Variants in KLHL25 observed in about 807,000 individuals in gnomAD.
KLHL25 encodes the protein kelch like family member 25, also known as kelch-like protein 25.
Under a neutral mutation model 30.0 loss-of-function variants are expected in KLHL25, and 41 were observed. That is an observed-to-expected ratio of 1.37 (90% CI 1.07 to 1.78). KLHL25 has a LOEUF of 1.78. Ranked by LOEUF, KLHL25 falls within the 40% of genes most tolerant of loss-of-function variation. KLHL25 has a pLI of 0.00. For synonymous variants in KLHL25, 399 were observed against 355.3 expected (o/e 1.12, Z -1.38); for missense variants, 971 against 824.5 (o/e 1.18, Z -2.18).
intron 1 of KLHL25, among the ~76,000 whole-genome samples, chr15:85,790,016 A>G (rs768075846): frequency 1.3e-5 from 2 of 152,214 alleles, no homozygotes; most frequent in Non-Finnish European, 2.9e-5. Context: ...ACTAGATCCC[A>G]GAGAAAGTAA....
chr15:85,764,657 C>T (rs939803637), intron 2 of KLHL25, among the ~76,000 whole-genome samples: 1 of 152,186 alleles, frequency 6.6e-6, no homozygotes, highest in Non-Finnish European at 1.5e-5. Flanking sequence ...TGCTGAGGAA[C>T]AGCAGTCATG....
chr15:85,762,731 G>A (rs1716128178), intron 2 of KLHL25: 1 of 152,362 alleles, frequency 6.6e-6, no homozygotes, highest in South Asian at 2.1e-4. Flanking sequence ...ATGCCTGGAC[G>A]GACGGACTCC....
chr15:85,793,437 C>A (rs980126708), intron 1 of KLHL25, among the ~76,000 whole-genome samples: 1 of 152,264 alleles, frequency 6.6e-6, no homozygotes, highest in Admixed American at 6.5e-5. Flanking sequence ...GACCCAAGAG[C>A]CTCCGGTCTT....
chr15:85,768,820 T>C lies in KLHL25; in HGVS notation c.991A>G (p.Lys331Glu), dbSNP rs554023435. 6.2e-7 allele frequency: 1 copy of C among 1,613,196 alleles called. No individual in the cohort carries two copies. Among genetic ancestry groups the C allele is most frequent in the African/African-American group, 1.3e-5 (1 of 74,940 alleles). Reference protein sequence around the residue: ...IPKADLPSPRKEFSASAIGCK... With the variant: ...IPKADLPSPREEFSASAIGCK... The stretch of plus-strand genomic sequence containing the variant: ...CCGATCGCTGAGGCGCTGAACTCCT[T>C]CCGGGGGCTGGGCAGGTCGGCCTTG... The change falls in exon 2 of 3, where the codon AAG becomes GAG. Residue 331 changes from lysine to glutamate, a missense_variant. Physicochemically the swap from Lys to Glu is moderately conservative, Grantham distance 56 (BLOSUM62 1). Transcript: ENST00000337975.
intron 1 of KLHL25, chr15:85,771,147 C>G: frequency 5.6e-6 from 1 of 177,908 alleles, no homozygotes; most frequent in Non-Finnish European, 1.2e-5. Context: ...ACCTACGCTC[C>G]AGCTGTGGCT....
chr15:85,762,724 C>A (rs2089591529), intron 2 of KLHL25: 1 of 152,386 alleles, frequency 6.6e-6, no homozygotes, highest in South Asian at 2.1e-4. Flanking sequence ...ACTGCTGATG[C>A]CTGGACGGAC....
chr15:85,788,415 G>A (rs970308021), intron 1 of KLHL25, among the ~76,000 whole-genome samples: 2 of 152,200 alleles, frequency 1.3e-5, no homozygotes, highest in African/African-American at 4.8e-5. Flanking sequence ...ATTTTTGTCA[G>A]TCTGTTGTCT....
chr15:85,789,778 C>G lies in KLHL25; in HGVS notation c.-11+4988G>C, dbSNP rs1005653895. ...CACACACCACCTTCCCTTGAGCCCA[C>G]GCCTGCTCCCCTAAGCCCAGCCTGG... On this transcript the variant is annotated intron_variant, in intron 1 of 2. Coordinates refer to ENST00000337975, the MANE Select transcript of KLHL25 (RefSeq NM_022480.4). The surrounding 1 kb of genome is among the most constrained non-coding windows in gnomAD (Gnocchi z 4.1). 5.3e-5 allele frequency among the ~76,000 whole-genome samples: 8 copies of G among 152,278 alleles called. No homozygotes were observed. Among genetic ancestry groups the G allele is most frequent in the African/African-American group, 1.7e-4 (7 of 41,554 alleles).
Position 85,765,634 on chromosome 15 carries a change from AAG to A in KLHL25, c.*24+2381_*24+2382del, listed in dbSNP as rs749346452. On this transcript the variant is annotated intron_variant, in intron 2 of 2. Transcript: ENST00000337975. Reference sequence around the variant, plus strand: ...ACGAGACTGTCTCAAAAAAAAAAAAAAGAAGAAGAAGAAGAAGAAGAAAACAG... The same window carrying A: ...ACGAGACTGTCTCAAAAAAAAAAAAAAAGAAGAAGAAGAAGAAGAAAACAG... 4.7e-3 allele frequency among the ~76,000 whole-genome samples: 466 copies of A among 99,874 alleles called. 7 individuals are homozygous for A. Among genetic ancestry groups the A allele is most frequent in the Admixed American group, 6.5e-3 (58 of 8,862 alleles). The allele number at this position is 99,874 out of a possible 152,430, so 65.5% of individuals were successfully genotyped here. A position where few individuals can be genotyped will look rare whatever the true frequency, so the allele number is the denominator to read the frequency against.
intron 1 of KLHL25, among the ~76,000 whole-genome samples, chr15:85,785,539 T>C (rs940670476): frequency 2.6e-5 from 4 of 152,030 alleles, no homozygotes; most frequent in African/African-American, 4.8e-5. Context: ...CAGGTACAAT[T>C]ATCTGAGCAA....
chr15:85,781,175 C>G (rs2089740390), intron 1 of KLHL25, among the ~76,000 whole-genome samples: 1 of 152,156 alleles, frequency 6.6e-6, no homozygotes, highest in Admixed American at 6.5e-5. Flanking sequence ...CACCTGTAAT[C>G]CCAGCTACTC....
At chr15:85,765,775 T>G (rs2089618852) in intron 2 of KLHL25, among the ~76,000 whole-genome samples, 1 of 141,576 alleles carries the variant, frequency 7.1e-6, no homozygotes, top group South Asian at 2.2e-4. Flanking sequence ...GAGGTTGCAG[T>G]GAGCAGAGAT....
At chr15:85,765,832 AAAAAAAAAAAG>A (rs1312577670) in intron 2 of KLHL25, among the ~76,000 whole-genome samples, 1 of 151,248 alleles carries the variant, frequency 6.6e-6, no homozygotes, top group Non-Finnish European at 1.5e-5. Flanking sequence ...CTGTCTCAAA[AAAAAAAAAAAG>A]AAAAAGAAAA....
chr15:85,763,078 G>A (rs1016338889), intron 2 of KLHL25: 2 of 152,294 alleles, frequency 1.3e-5, no homozygotes, highest in African/African-American at 2.4e-5. Context: ...GCGCCTTAAA[G>A]GGCCTGGAGT....
intron 1 of KLHL25, among the ~76,000 whole-genome samples, chr15:85,785,639 T>C (rs2089776200): frequency 6.6e-6 from 1 of 151,242 alleles, no homozygotes; most frequent in Non-Finnish European, 1.5e-5. Context: ...GCAACCAGGG[T>C]AGGTGTGTGT....
At chr15:85,771,980 C>T (rs183015959) in intron 1 of KLHL25, among the ~76,000 whole-genome samples, 6 of 152,286 alleles carry the variant, frequency 3.9e-5, no homozygotes, top group South Asian at 4.1e-4. Context: ...CGTGACTGAT[C>T]GGAATTGCCT....
intron 1 of KLHL25, among the ~76,000 whole-genome samples, chr15:85,791,139 G>C (rs961998431): frequency 2.7e-5 from 4 of 147,638 alleles, no homozygotes; most frequent in Admixed American, 6.9e-5. Flanking sequence ...AGATTGCAGT[G>C]AGCTGAGATC....
intron 1 of KLHL25, among the ~76,000 whole-genome samples, chr15:85,792,059 GA>G (rs1479075759): frequency 1.1e-4 from 16 of 152,202 alleles, no homozygotes; most frequent in African/African-American, 3.1e-4. Flanking sequence ...ATTATGCCTT[GA>G]AGATGACAGG....
intron 1 of KLHL25, among the ~76,000 whole-genome samples, chr15:85,793,253 A>G (rs535796606): frequency 6.6e-6 from 1 of 152,218 alleles, no homozygotes; most frequent in African/African-American, 2.4e-5. Flanking sequence ...TTCTCTCCGC[A>G]CCACATACAT....
Sources: gnomAD v4.1 joint callset for allele counts (sites outside exome capture counted in the v4.1 genomes callset) on GRCh38, gnomAD v4.1.1 for gene constraint, Gnocchi (gnomAD v3.1) non-coding constraint, MANE v1.5 for transcripts, NCBI Gene and HGNC (gene_info 2026-07-23, HGNC 2026-07-21) for gene names.